The following PRELID3A variants were observed in gnomAD, a reference collection of about 807,000 sequenced individuals.
PRELID3A encodes PRELI domain containing 3A.
Under a neutral mutation model 23.0 loss-of-function variants are expected in PRELID3A, and 27 were observed. The ratio of observed to expected loss-of-function variants is 1.17; its 90% CI spans 0.87 to 1.62. The LOEUF is 1.62. PRELID3A is among the 40% of genes most tolerant of loss of function. PRELID3A has a pLI of 0.00. For synonymous variants in PRELID3A, 87 were observed against 86.4 expected (o/e 1.01, Z -0.04); for missense variants, 231 against 231.4 (o/e 1.00, Z 0.01).
intron 5 of PRELID3A, among the ~76,000 whole-genome samples, chr18:12,427,843 G>A (rs776006430): frequency 6.6e-6 from 1 of 152,040 alleles, no homozygotes; most frequent in African/African-American, 2.4e-5. Context: ...GTGCATGAAA[G>A]CCAAGGGAGC....
intron 1 of PRELID3A, among the ~76,000 whole-genome samples, chr18:12,410,352 T>C (rs1034304282): frequency 7.9e-5 from 12 of 152,246 alleles, no homozygotes; most frequent in Non-Finnish European, 1.5e-4. Context: ...GTGCTGATTC[T>C]CTGCCATAGA....
intron 3 of PRELID3A, 87 bp from the exon 4 acceptor site, chr18:12,426,954 G>T: frequency 1.1e-6 from 1 of 919,334 alleles, no homozygotes. Context: ...CCCACTAAGT[G>T]CTAATTTTGG....
At chr18:12,427,753 T>C (rs1327492458) in intron 5 of PRELID3A, among the ~76,000 whole-genome samples, 1 of 151,896 alleles carries the variant, frequency 6.6e-6, no homozygotes, top group Non-Finnish European at 1.5e-5. Context: ...GCTGGGGCTC[T>C]CCATTTATGC....
At chr18:12,415,941 C>T (rs1288542470) in intron 1 of PRELID3A, among the ~76,000 whole-genome samples, 1 of 152,188 alleles carries the variant, frequency 6.6e-6, no homozygotes, top group East Asian at 1.9e-4. Flanking sequence ...GGCCTCTTGC[C>T]CTTGGGGGAT....
intron 3 of PRELID3A, among the ~76,000 whole-genome samples, chr18:12,423,978 G>A (rs1291722876): frequency 1.3e-5 from 2 of 152,180 alleles, no homozygotes; most frequent in Admixed American, 6.5e-5. Context: ...AGCACCTTCC[G>A]TAGAAGGCAG....
chr18:12,413,223 T>C (rs566084966), intron 1 of PRELID3A, among the ~76,000 whole-genome samples: 1 of 152,350 alleles, frequency 6.6e-6, no homozygotes. Context: ...GGTAATCGGT[T>C]GAGCTCAGGA....
At chr18:12,426,019 G>A (rs868519495) in intron 3 of PRELID3A, among the ~76,000 whole-genome samples, 6 of 152,100 alleles carry the variant, frequency 3.9e-5, no homozygotes, top group Middle Eastern at 6.8e-3. Flanking sequence ...GACAGATCAC[G>A]AGGTCAGGAG....
chr18:12,426,563 A>AAAAAAAAAAG lies in PRELID3A; in HGVS notation c.292-475_292-474insAAAAAAGAAA, dbSNP rs67993774. ...AGTGAGACTCCATCTCAAAAAAAAA[A>AAAAAAAAAAG]AAAGTATAAATATGTACATAAGGAG... On this transcript the variant is annotated intron_variant, in intron 3 of 6. Transcript: ENST00000440960. Among the ~76,000 whole-genome samples, 3 of 87,720 alleles carry AAAAAAAAAAG rather than the reference A, an allele frequency of 3.4e-5. 1 individual carries two copies. The highest frequency in any genetic ancestry group is 8.0e-4 in the East Asian group (2 of 2,498). 57.5% of individuals were successfully genotyped at this position (87,720 alleles called of 152,430 possible). A position where few individuals can be genotyped will look rare whatever the true frequency, so the allele number is the denominator to read the frequency against.
intron 3 of PRELID3A, 84 bp downstream of exon 3, chr18:12,421,713 C>G (rs572552317): frequency 1.1e-6 from 1 of 886,494 alleles, no homozygotes; most frequent in East Asian, 2.5e-5. Context: ...TATTTCCAGC[C>G]CACCTTTGGT....
rs2030610355 is a variant in PRELID3A at position 12,431,609 on chromosome 18, C to G, written c.*493C>G. The G allele has an allele frequency of 1.3e-5, 2 of 152,554 alleles. No individual in the cohort carries two copies. Among genetic ancestry groups the G allele is most frequent in the South Asian group, 2.1e-4 (1 of 4,832 alleles). The allele number at this position is 152,554 out of a possible 1,614,324, so 9.5% of individuals were successfully genotyped here. On this transcript the variant is annotated 3_prime_UTR_variant, in exon 7 of 7. Coordinates refer to ENST00000440960, the MANE Select transcript of PRELID3A (RefSeq NM_001142405.2). ...AGCTCTCCTGGGCCCGCGGCTGCTC[C>G]GGGCCTCACATCTGCTGCTGGCCTC... is the stretch of plus-strand genomic sequence containing the variant.
At chr18:12,426,939 C>T (rs954818186) in intron 3 of PRELID3A, 102 bp from the exon 4 acceptor site, 21 of 784,318 alleles carry the variant, frequency 2.7e-5, no homozygotes, top group Non-Finnish European at 4.2e-5. Flanking sequence ...TTCTTCTGTT[C>T]TGGCCCCACT....
At chr18:12,411,968 G>T (rs920288448) in intron 1 of PRELID3A, among the ~76,000 whole-genome samples, 5 of 149,530 alleles carry the variant, frequency 3.3e-5, no homozygotes, top group African/African-American at 7.4e-5. Flanking sequence ...TGGAGTGCAG[G>T]GGCGCAGTCT....
intron 1 of PRELID3A, 84 bp downstream of exon 1, chr18:12,408,091 CCGGACCTCACAG>C: frequency 8.7e-7 from 1 of 1,147,242 alleles, no homozygotes; most frequent in Non-Finnish European, 1.1e-6. Flanking sequence ...CCAGGAAAGG[CCGGACCTCACAG>C]CGGGCCTCGC....
At chr18:12,408,064 A>T in intron 1 of PRELID3A, 57 bp downstream of exon 1, 2 of 1,232,936 alleles carry the variant, frequency 1.6e-6, no homozygotes, top group Non-Finnish European at 2.0e-6. Flanking sequence ...CCTGCTCCCG[A>T]GCCCGGCTGG....
intron 3 of PRELID3A, among the ~76,000 whole-genome samples, chr18:12,422,697 C>A (rs1210479937): frequency 6.6e-6 from 1 of 151,994 alleles, no homozygotes; most frequent in African/African-American, 2.4e-5. Context: ...CTTCACTCCT[C>A]TCTCACTTCT....
intron 1 of PRELID3A, among the ~76,000 whole-genome samples, chr18:12,416,402 G>T (rs1041875747): frequency 6.6e-6 from 1 of 151,990 alleles, no homozygotes; most frequent in African/African-American, 2.4e-5. Context: ...CTCGACCTCC[G>T]GTCTTAGGTG....
At chr18:12,419,676 A>G (rs1471430428) in intron 1 of PRELID3A, among the ~76,000 whole-genome samples, 1 of 151,872 alleles carries the variant, frequency 6.6e-6, no homozygotes, top group African/African-American at 2.4e-5. Context: ...GTGGTGGCTC[A>G]CGCCTGTAAT....
chr18:12,414,994 T>G (rs1380455950), intron 1 of PRELID3A, among the ~76,000 whole-genome samples: 1 of 152,084 alleles, frequency 6.6e-6, no homozygotes, highest in Non-Finnish European at 1.5e-5. Context: ...AGTAGTGCAA[T>G]CACGACTTAC....
chr18:12,424,469 A>G (rs568069343), intron 3 of PRELID3A, among the ~76,000 whole-genome samples: 1 of 152,370 alleles, frequency 6.6e-6, no homozygotes, highest in East Asian at 1.9e-4. Flanking sequence ...AAAATATTGC[A>G]CATAAAATGA....
Sources: allele counts gnomAD v4.1 joint callset (sites outside exome capture counted in the v4.1 genomes callset), GRCh38; gene constraint gnomAD v4.1.1; transcripts MANE v1.5; gene names NCBI Gene and HGNC (gene_info 2026-07-23, HGNC 2026-07-21).